Variants in C4orf51 observed in about 807,000 individuals in gnomAD.
C4orf51 encodes chromosome 4 open reading frame 51.
Under a neutral mutation model 25.2 loss-of-function variants are expected in C4orf51, and 25 were observed. That is an observed-to-expected ratio of 0.99 (90% CI 0.72 to 1.39). The LOEUF (loss-of-function observed/expected upper bound fraction) is 1.39, where lower values mean the gene tolerates loss of function less well. Ranked by LOEUF, C4orf51 falls within the 40% of genes most tolerant of loss-of-function variation. The pLI, the probability that C4orf51 is intolerant of heterozygous loss-of-function variation, is 0.00. For missense variants in C4orf51, 252 were observed against 239.6 expected (o/e 1.05, Z -0.34); for synonymous variants, 100 against 84.5 (o/e 1.18, Z -1.01).
chr4:145,738,439 G>A (rs1280895812), intron 1 of C4orf51, among the ~76,000 whole-genome samples: 1 of 138,024 alleles, frequency 7.2e-6, no homozygotes, highest in Non-Finnish European at 1.5e-5. Context: ...GACAGAGCGA[G>A]ACTCTATCTC....
intron 2 of C4orf51, among the ~76,000 whole-genome samples, chr4:145,703,093 C>T (rs980345952): frequency 1.3e-5 from 2 of 151,812 alleles, no homozygotes. Flanking sequence ...CATCACATCC[C>T]CTGTGACTTG....
intron 4 of C4orf51, 47 bp from the exon 5 acceptor site, chr4:145,729,845 C>T (rs922117703): frequency 1.3e-6 from 2 of 1,502,184 alleles, no homozygotes; most frequent in African/African-American, 2.8e-5. Context: ...TTATGGTAGA[C>T]TCTCTTTATC....
At chr4:145,744,471 CA>C (rs1383048666) in intron 1 of C4orf51, among the ~76,000 whole-genome samples, 1 of 152,098 alleles carries the variant, frequency 6.6e-6, no homozygotes. Context: ...ATTGTAACCC[CA>C]ACTCTTGAAT....
In C4orf51 at chr4:145,764,762, C is replaced by A. The variant is rs570175130; in HGVS notation, n.167-6226C>A. 6.6e-5 allele frequency: 38 copies of A among 579,812 alleles called. No individual in the cohort carries two copies. The South Asian group carries it at 7.7e-4, about 12-fold the overall frequency. 35.9% of individuals were successfully genotyped at this position (579,812 alleles called of 1,614,324 possible). On this transcript the variant is annotated intron_variant and non_coding_transcript_variant, in intron 1 of 1. Coordinates refer to the C4orf51 transcript ENST00000510096. ...GTGTCTTTTTTCTTGCCCTGAATCC[C>A]GGGGTATTTGCAAAATGGATTCTCC...
At chr4:145,766,078 A>T (rs1454816020) in intron 1 of C4orf51, among the ~76,000 whole-genome samples, 2 of 152,184 alleles carry the variant, frequency 1.3e-5, no homozygotes, top group African/African-American at 4.8e-5. Context: ...GTTTTTTCAA[A>T]AATCCTGTGT....
intron 1 of C4orf51, 67 bp downstream of exon 1, chr4:145,680,503 AAG>A (rs1376460083): frequency 8.2e-7 from 1 of 1,217,256 alleles, no homozygotes; most frequent in Admixed American, 2.0e-5. Flanking sequence ...TCTTAGAAGA[AAG>A]AGGTATTGTA....
the C4orf51 span, among the ~76,000 whole-genome samples, chr4:145,785,618 A>C: frequency 6.6e-6 from 1 of 152,270 alleles, no homozygotes; most frequent in Middle Eastern, 3.4e-3. Flanking sequence ...TAGTTCAAGG[A>C]GGAACCTGAA....
chr4:145,769,726 T>C (rs1451607385), intron 1 of C4orf51, among the ~76,000 whole-genome samples: 1 of 152,184 alleles, frequency 6.6e-6, no homozygotes, highest in East Asian at 1.9e-4. Flanking sequence ...ATTTACCTTC[T>C]TCAGCATCAC....
chr4:145,712,063 C>T (rs1731163228), intron 2 of C4orf51, among the ~76,000 whole-genome samples: 1 of 152,290 alleles, frequency 6.6e-6, no homozygotes, highest in Non-Finnish European at 1.5e-5. Flanking sequence ...CCACAAACCA[C>T]ACTCATATAG....
At chr4:145,729,547 C>T (rs1262729858) in intron 4 of C4orf51, among the ~76,000 whole-genome samples, 9 of 152,106 alleles carry the variant, frequency 5.9e-5, no homozygotes, top group Non-Finnish European at 1.3e-4. Flanking sequence ...GTGATCCTCC[C>T]TCCTTGGCCT....
At chr4:145,737,050 A>G (rs1367671643), downstream of C4orf51, among the ~76,000 whole-genome samples, 3 of 152,000 alleles carry the variant, frequency 2.0e-5, no homozygotes, top group African/African-American at 4.8e-5. Context: ...ACCTCCATTC[A>G]TCTCCTTATC....
At chr4:145,790,932 G>A in the C4orf51 span, among the ~76,000 whole-genome samples, 1 of 152,168 alleles carries the variant, frequency 6.6e-6, no homozygotes, top group Non-Finnish European at 1.5e-5. Flanking sequence ...AGGCAACAGT[G>A]GTCACAAATA....
chr4:145,791,575 T>C, the C4orf51 span, among the ~76,000 whole-genome samples: 1 of 152,212 alleles, frequency 6.6e-6, no homozygotes, highest in Non-Finnish European at 1.5e-5. Flanking sequence ...ATATTTTATT[T>C]TTTATATAAA....
In C4orf51 at chr4:145,765,567, C is replaced by G. The variant is rs751957056; in HGVS notation, n.167-5421C>G. The G allele has an allele frequency of 3.1e-6, 5 of 1,613,390 alleles. No homozygotes were observed. Among genetic ancestry groups the G allele is most frequent in the Non-Finnish European group, 4.2e-6 (5 of 1,179,684 alleles). On this transcript the variant is annotated intron_variant and non_coding_transcript_variant, in intron 1 of 1. Transcript: ENST00000510096. This position sits in a 1 kb window ranked among gnomAD's most constrained non-coding sequence, Gnocchi z 4.7. ...CTTACCTTTCTCTGGCTTTTCCTCACTGTTCAGTGAGGGCTGGCTCCCAGG... is the reference window on the plus strand; with the variant it reads ...CTTACCTTTCTCTGGCTTTTCCTCAGTGTTCAGTGAGGGCTGGCTCCCAGG...
chr4:145,744,783 G>A (rs1481360340), intron 1 of C4orf51, among the ~76,000 whole-genome samples: 1 of 151,822 alleles, frequency 6.6e-6, no homozygotes, highest in East Asian at 1.9e-4. Context: ...AACCCAGTGG[G>A]CGGAGCTTGC....
intron 1 of C4orf51, among the ~76,000 whole-genome samples, chr4:145,688,513 C>T (rs1436994611): frequency 2.6e-5 from 4 of 152,238 alleles, no homozygotes; most frequent in African/African-American, 9.6e-5. Flanking sequence ...AAAGTGTTCT[C>T]CTGATATCTG....
intron 1 of C4orf51, among the ~76,000 whole-genome samples, chr4:145,685,149 TG>T (rs1174115951): frequency 6.6e-6 from 1 of 152,168 alleles, no homozygotes; most frequent in Non-Finnish European, 1.5e-5. Context: ...ATACATTCTG[TG>T]GTTGACCATT....
chr4:145,733,403 C>G (rs951477627), downstream of C4orf51, among the ~76,000 whole-genome samples: 1 of 152,172 alleles, frequency 6.6e-6, no homozygotes, highest in Non-Finnish European at 1.5e-5. Flanking sequence ...CTGCACATGA[C>G]CTGGGGCGCG....
intron 2 of C4orf51, among the ~76,000 whole-genome samples, chr4:145,704,339 A>G (rs1036478326): frequency 1.3e-5 from 2 of 152,234 alleles, no homozygotes; most frequent in Non-Finnish European, 2.9e-5. Context: ...GGCTTCATTA[A>G]TGAAGATTCT....
Sources: gnomAD v4.1 joint callset for allele counts (sites outside exome capture counted in the v4.1 genomes callset) on GRCh38, gnomAD v4.1.1 for gene constraint, Gnocchi (gnomAD v3.1) non-coding constraint, MANE v1.5 for transcripts, NCBI Gene and HGNC (gene_info 2026-07-23, HGNC 2026-07-21) for gene names.